Variants in RNF220 observed in about 807,000 individuals in gnomAD.
RNF220 encodes the protein ring finger protein 220.
In RNF220, 7 loss-of-function variants were observed where a neutral mutation model predicts 67.1. The ratio of observed to expected loss-of-function variants is 0.10; its 90% CI spans 0.06 to 0.20. RNF220 has a LOEUF of 0.20. Ranked by LOEUF, RNF220 falls within the 10% of genes least tolerant of loss-of-function variation. RNF220 has a pLI of 1.00. For synonymous variants in RNF220, 270 were observed against 283.2 expected, an observed-to-expected ratio of 0.95 and a Z score of 0.47; for missense variants, 565 against 740.3, an observed-to-expected ratio of 0.76 and a Z score of 2.75.
At chr1:44,451,827 G>A (rs1049808511) in intron 2 of RNF220, among the ~76,000 whole-genome samples, 4 of 152,014 alleles carry the variant, frequency 2.6e-5, no homozygotes, top group African/African-American at 9.7e-5. Flanking sequence ...CACCATGTTG[G>A]CCAGGCTGGT....
At chr1:44,428,405 T>TTA (rs1650015737) in intron 2 of RNF220, among the ~76,000 whole-genome samples, 1 of 152,172 alleles carries the variant, frequency 6.6e-6, no homozygotes, top group African/African-American at 2.4e-5. Flanking sequence ...GCAGGCTGCT[T>TTA]TATTTTTCCA....
rs145355392 is a variant in RNF220, at chr1:44,441,406, A to G, written c.625+28684A>G. 2.6e-3 allele frequency among the ~76,000 whole-genome samples: 396 copies of G among 152,292 alleles called. 2 individuals are homozygous for G. The highest frequency in any genetic ancestry group is 8.8e-3 in the African/African-American group (365 of 41,550). On this transcript the variant is annotated intron_variant, in intron 2 of 14. Transcript: ENST00000361799. ...TCTAGGGTAAATATGGTACCTTCAC[A>G]TTTTCTAAGCTGGCATGAGTGAATG...
intron 5 of RNF220, chr1:44,631,953 G>T: frequency 1.0e-6 from 1 of 992,016 alleles, no homozygotes; most frequent in Non-Finnish European, 1.2e-6. Context: ...CGCGACGGCG[G>T]CAGATCACGT....
chr1:44,458,134 G>A (rs1202187911), intron 2 of RNF220, among the ~76,000 whole-genome samples: 1 of 151,778 alleles, frequency 6.6e-6, no homozygotes, highest in Non-Finnish European at 1.5e-5. Flanking sequence ...CATGGTGTAG[G>A]CACCTGTAGT....
chr1:44,632,331 A>G lies in RNF220; in HGVS notation c.907-12A>G. 6.2e-7 allele frequency: 1 copy of G among 1,613,988 alleles called. No individual in the cohort carries two copies. Among genetic ancestry groups the G allele is most frequent in the African/African-American group, 1.3e-5 (1 of 75,018 alleles). On this transcript the variant is annotated splice_polypyrimidine_tract_variant and intron_variant, in intron 5 of 14. Coordinates refer to ENST00000361799, the MANE Select transcript of RNF220 (RefSeq NM_018150.4). ...TTTTCTTTTCTTGCATCTGCCCGCG[A>G]TCTTCTCCCAGACCTTTCTGCGAGT...
rs779896886 is a variant in RNF220, at chr1:44,649,610, T to C, written c.1446-51T>C. ...ATTCAAGGGAGGCGTAGGCTGGAGG[T>C]ACAGATGAGAGATGCCAGCCTGCTA... is the stretch of plus-strand genomic sequence containing the variant. On this transcript the variant is annotated intron_variant, in intron 12 of 14. Coordinates refer to ENST00000361799, the MANE Select transcript of RNF220 (RefSeq NM_018150.4). This position sits in a 1 kb window ranked among gnomAD's most constrained non-coding sequence, Gnocchi z 5.9. The C allele has an allele frequency of 2.0e-6, 3 of 1,535,474 alleles. No individual in the cohort carries two copies. The highest frequency in any genetic ancestry group is 1.8e-6 in the Non-Finnish European group (2 of 1,108,972).
chr1:44,630,311 A>G (rs1048413225), intron 5 of RNF220, among the ~76,000 whole-genome samples: 2 of 152,230 alleles, frequency 1.3e-5, no homozygotes, highest in Non-Finnish European at 2.9e-5. Flanking sequence ...CCTCATAGCA[A>G]CTGTATTCAT....
intron 2 of RNF220, among the ~76,000 whole-genome samples, chr1:44,501,059 TG>T (rs1464957179): frequency 2.8e-5 from 1 of 35,420 alleles, no homozygotes; most frequent in Admixed American, 2.9e-4. Context: ...GGGGTGGGGG[TG>T]GGGGTGGGGG....
intron 12 of RNF220, among the ~76,000 whole-genome samples, chr1:44,646,865 A>G (rs998841402): frequency 6.6e-6 from 1 of 152,038 alleles, no homozygotes; most frequent in Admixed American, 6.5e-5. Context: ...TGATTTCTCT[A>G]TTTCTTGCCC....
rs1277642293 is a variant in RNF220 at position 44,651,522 on chromosome 1, A to G, written c.*747A>G. Reference sequence around the variant, plus strand: ...AGCAGAGGCTGAGTTAGGGGGCTAGAGGACAGTGCTCCTGGCCACCCAGCC... The same window carrying G: ...AGCAGAGGCTGAGTTAGGGGGCTAGGGGACAGTGCTCCTGGCCACCCAGCC... On this transcript the variant is annotated 3_prime_UTR_variant, in exon 15 of 15. Transcript: ENST00000361799. 2.6e-5 allele frequency: 4 copies of G among 152,904 alleles called. No individual in the cohort carries two copies. In the East Asian group the frequency reaches 7.7e-4, roughly 29 times the overall value. The allele number at this position is 152,904 out of a possible 1,614,324, so 9.5% of individuals were successfully genotyped here. A position where few individuals can be genotyped will look rare whatever the true frequency, so the allele number is the denominator to read the frequency against.
intron 2 of RNF220, among the ~76,000 whole-genome samples, chr1:44,426,088 A>G (rs139662599): frequency 1.3e-5 from 2 of 152,324 alleles, no homozygotes; most frequent in African/African-American, 4.8e-5. Context: ...TTTATTGGCT[A>G]AATCCCCACT....
intron 2 of RNF220, among the ~76,000 whole-genome samples, chr1:44,493,899 G>T (rs1000967928): frequency 1.3e-5 from 2 of 151,940 alleles, no homozygotes; most frequent in Non-Finnish European, 2.9e-5. Context: ...GTCAATAAAG[G>T]TATCTATTAA....
In RNF220 at chr1:44,632,366, C is replaced by G; in HGVS notation, c.930C>G (p.Asn310Lys). The G allele has an allele frequency of 6.2e-7, 1 of 1,613,946 alleles. No individual in the cohort carries two copies. The highest frequency in any genetic ancestry group is 8.5e-7 in the Non-Finnish European group (1 of 1,179,998). ...AGACCTTTCTGCGAGTACGAGCCAA[C>G]CGGCAGACCCGACTGAATGGTGAGT... ...RYQTFLRVRA[N>K]RQTRLNARIG... The change falls in exon 6 of 15, where the codon AAC becomes AAG. Residue 310 changes from asparagine (N) to lysine (K), a missense_variant. By Grantham distance (94) the Asn-to-Lys change is moderately conservative. Transcript: ENST00000361799.
intron 5 of RNF220, chr1:44,632,102 G>T: frequency 6.9e-7 from 1 of 1,449,510 alleles, no homozygotes. Flanking sequence ...GCCAGGGCTG[G>T]GGCGGCACCG....
chr1:44,525,149 A>G (rs998108370), intron 2 of RNF220, among the ~76,000 whole-genome samples: 4 of 152,200 alleles, frequency 2.6e-5, no homozygotes, highest in Non-Finnish European at 4.4e-5. Flanking sequence ...GGATGTAGCA[A>G]TCTTTTTTAC....
chr1:44,617,990 C>G (rs1019741912), intron 3 of RNF220, among the ~76,000 whole-genome samples: 1 of 152,198 alleles, frequency 6.6e-6, no homozygotes, highest in Non-Finnish European at 1.5e-5. Flanking sequence ...CCTTTGCCCT[C>G]CCTGGCCTTC....
intron 2 of RNF220, among the ~76,000 whole-genome samples, chr1:44,520,085 T>TTGTGTGTGTGTGTGTG (rs1167831790): frequency 4.7e-5 from 5 of 106,386 alleles, no homozygotes; most frequent in African/African-American, 1.8e-4. Context: ...AAGTCCAGCA[T>TTGTGTGTGTGTGTGTG]TGTGTGTGTG....
chr1:44,636,594 T>TTCC (rs904368384), intron 8 of RNF220: 10 of 617,568 alleles, frequency 1.6e-5, no homozygotes, highest in Admixed American at 2.6e-5. Context: ...ACATTGGATT[T>TTCC]TCCTCCTCCT....
chr1:44,605,002 G>C (rs1253964834), intron 2 of RNF220, among the ~76,000 whole-genome samples: 2 of 152,154 alleles, frequency 1.3e-5, no homozygotes, highest in Admixed American at 1.3e-4. Context: ...AAGAGGAACA[G>C]ATAAAAGCAT....
Sources: allele counts gnomAD v4.1 joint callset (sites outside exome capture counted in the v4.1 genomes callset), GRCh38; gene constraint gnomAD v4.1.1; non-coding constraint Gnocchi (gnomAD v3.1); transcripts MANE v1.5; gene names NCBI Gene and HGNC (gene_info 2026-07-23, HGNC 2026-07-21).